The following BAHCC1 variants were observed in gnomAD, a reference collection of about 807,000 sequenced individuals.
BAHCC1 encodes BAH and coiled-coil domain-containing protein 1.
BAHCC1 carries 43 observed loss-of-function variants against 88.2 expected under a neutral mutation model. That is an observed-to-expected ratio of 0.49 (90% CI 0.38 to 0.63). BAHCC1 has a LOEUF of 0.63. Among genes scored for constraint, BAHCC1 ranks in the 20% least tolerant of loss-of-function variants. BAHCC1 has a pLI of 0.00. For missense variants in BAHCC1, 3,023 were observed against 1,654.8 expected, an observed-to-expected ratio of 1.83 and a Z score of -14.34; for synonymous variants, 1,510 against 745.5, an observed-to-expected ratio of 2.03 and a Z score of -16.71.
At chr17:81,420,246 G>T (rs1274973290) in intron 2 of BAHCC1, among the ~76,000 whole-genome samples, 12 of 152,218 alleles carry the variant, frequency 7.9e-5, no homozygotes, top group African/African-American at 2.9e-4. Context: ...GCAGGAGGCA[G>T]GCTAGTTCCC....
chr17:81,433,675 C>T (rs1568011842), intron 3 of BAHCC1, among the ~76,000 whole-genome samples: 1 of 148,110 alleles, frequency 6.8e-6, no homozygotes, highest in East Asian at 2.0e-4. Context: ...ACCGAGGCCC[C>T]TGTGTGCCCC....
intron 10 of BAHCC1, among the ~76,000 whole-genome samples, chr17:81,446,039 A>G (rs117101636): frequency 0.02 from 2,990 of 150,456 alleles, 43 homozygotes; most frequent in Non-Finnish European, 0.03. Context: ...GCTGCCATTC[A>G]GGGTCTCAGC....
intron 2 of BAHCC1, among the ~76,000 whole-genome samples, chr17:81,419,543 G>C (rs966464997): frequency 6.6e-6 from 1 of 152,188 alleles, no homozygotes; most frequent in African/African-American, 2.4e-5. Context: ...GGTGTCCCCC[G>C]CCTGGGCGGG....
intron 2 of BAHCC1, among the ~76,000 whole-genome samples, chr17:81,422,131 C>T (rs936910570): frequency 3.9e-5 from 6 of 152,194 alleles, no homozygotes; most frequent in African/African-American, 1.4e-4. Flanking sequence ...CCCGCCTCAG[C>T]CTCCCAAATA....
At chr17:81,403,862 C>T (rs1282533067) in intron 2 of BAHCC1, among the ~76,000 whole-genome samples, 10 of 152,218 alleles carry the variant, frequency 6.6e-5, no homozygotes, top group East Asian at 1.9e-4. Context: ...ACGCCCGCCC[C>T]GCCGAAGCCC....
At position 81,461,054 on chromosome 17, in the gene BAHCC1, A is replaced by C. The variant is rs2030209689; in HGVS notation, c.6391A>C (p.Lys2131Gln). ...CTTCCAGCTCAACGGCAGCAGCAAG[A>C]AGCTGCGGGCCCGCGAGGCCCTGTT... is the stretch of plus-strand genomic sequence containing the variant. ...NLFQLNGSSK[K>Q]LRAREALFPV... Residue 2131 changes from lysine to glutamine, a missense_variant, in exon 26 of 28, where the codon AAG becomes CAG. Coordinates refer to ENST00000675386, the MANE Select transcript of BAHCC1 (RefSeq NM_001377448.1). 1 of 771,774 alleles carries C rather than the reference A, an allele frequency of 1.3e-6. No individual in the cohort carries two copies. Among genetic ancestry groups the C allele is most frequent in the Non-Finnish European group, 2.4e-6 (1 of 417,034 alleles). 47.8% of individuals were successfully genotyped at this position (771,774 alleles called of 1,614,324 possible). A position where few individuals can be genotyped will look rare whatever the true frequency, so the allele number is the denominator to read the frequency against.
intron 2 of BAHCC1, among the ~76,000 whole-genome samples, chr17:81,420,018 C>T (rs975520954): frequency 1.1e-4 from 16 of 152,106 alleles, no homozygotes; most frequent in African/African-American, 3.6e-4. Context: ...CAGTGGGCAC[C>T]TGGCCATCCG....
At chr17:81,446,994 C>T (rs781882622) in intron 10 of BAHCC1, 42 bp from the exon 11 acceptor site, 21 of 775,912 alleles carry the variant, frequency 2.7e-5, no homozygotes, top group African/African-American at 1.7e-5. Context: ...ACCCCCTCAC[C>T]ACCACTCCCA....
chr17:81,410,679 G>T (rs879947626), intron 2 of BAHCC1, among the ~76,000 whole-genome samples: 2 of 152,172 alleles, frequency 1.3e-5, no homozygotes, highest in Non-Finnish European at 2.9e-5. Flanking sequence ...GTGCTGGGGG[G>T]CCTTCGTGGC....
chr17:81,406,795 G>C (rs1379614361), intron 2 of BAHCC1: 2 of 437,952 alleles, frequency 4.6e-6, no homozygotes, highest in Non-Finnish European at 9.3e-6. Context: ...CGGCGCCCAG[G>C]TCCTGGTTAT....
intron 3 of BAHCC1, among the ~76,000 whole-genome samples, chr17:81,436,323 A>G (rs2064335427): frequency 6.6e-6 from 1 of 152,138 alleles, no homozygotes; most frequent in Non-Finnish European, 1.5e-5. Context: ...AGCTGCCCCC[A>G]GAGGGGACCG....
At chr17:81,405,010 T>C (rs2063861793) in intron 2 of BAHCC1, among the ~76,000 whole-genome samples, 1 of 152,186 alleles carries the variant, frequency 6.6e-6, no homozygotes, top group Non-Finnish European at 1.5e-5. Context: ...ACTGTGGATA[T>C]GATCTGAAGC....
At chr17:81,445,884 C>T (rs1038311219) in intron 10 of BAHCC1, among the ~76,000 whole-genome samples, 3 of 152,218 alleles carry the variant, frequency 2.0e-5, no homozygotes, top group African/African-American at 7.2e-5. Flanking sequence ...AGTGCCCCAG[C>T]CGCCCCCTTC....
chr17:81,460,627 C>T lies in BAHCC1; in HGVS notation c.6123C>T (p.Pro2041=), dbSNP rs1555658929. 5 of 771,576 alleles carry T rather than the reference C, an allele frequency of 6.5e-6. No homozygotes were observed. Among genetic ancestry groups the T allele is most frequent in the Non-Finnish European group, 1.2e-5 (5 of 414,236 alleles). The allele number at this position is 771,576 out of a possible 1,614,324, so 47.8% of individuals were successfully genotyped here. A position where few individuals can be genotyped will look rare whatever the true frequency, so the allele number is the denominator to read the frequency against. The part of the protein sequence containing the change: ...EAPPPSEAAT[P]SLSPKAQDGP... Reference sequence around the variant, plus strand: ...CCCCGCCTAGTGAAGCCGCCACCCCCAGCCTGTCCCCCAAAGCACAGGACG... The same window carrying T: ...CCCCGCCTAGTGAAGCCGCCACCCCTAGCCTGTCCCCCAAAGCACAGGACG... Residue 2041 remains proline, a synonymous_variant, in exon 25 of 28, where the codon CCC becomes CCT. Transcript: ENST00000675386.
At chr17:81,452,236 C>G in intron 13 of BAHCC1, 129 bp downstream of exon 13, 1 of 496,326 alleles carries the variant, frequency 2.0e-6, no homozygotes, top group Non-Finnish European at 3.5e-6. Flanking sequence ...TGGGCAGACA[C>G]CAGGGTCCAT....
intron 2 of BAHCC1, chr17:81,400,991 T>C (rs1185621793): frequency 6.6e-6 from 1 of 152,346 alleles, no homozygotes; most frequent in East Asian, 1.9e-4. Flanking sequence ...GTTCTAAACA[T>C]CAGAAATGTT....
intron 19 of BAHCC1, 29 bp downstream of exon 19, chr17:81,458,754 T>C (rs1555658252): frequency 1.3e-6 from 1 of 747,412 alleles, no homozygotes; most frequent in Non-Finnish European, 2.5e-6. Flanking sequence ...GGGAGCCCAC[T>C]GTGCACCCAC....
At chr17:81,397,410 A>T (rs8074440) in intron 1 of BAHCC1, among the ~76,000 whole-genome samples, 53 of 147,590 alleles carry the variant, frequency 3.6e-4, no homozygotes, top group African/African-American at 1.3e-3. Flanking sequence ...AAAAAAAAAA[A>T]AACAACCACA....
Position 81,442,287 on chromosome 17 carries a change from G to A in BAHCC1, c.938G>A (p.Gly313Glu), listed in dbSNP as rs1480251510. ...GGCATGCTGGGGCGGCCTGGCACGG[G>A]GGTGGTGACCTCCGGGCGCTGTGCA... Reference protein sequence around the residue: ...AGGMLGRPGTGVVTSGRCAKE... With the variant: ...AGGMLGRPGTEVVTSGRCAKE... The change falls in exon 5 of 28, where the codon GGG becomes GAG. Residue 313 changes from glycine (G) to glutamate (E), a missense_variant. By Grantham distance (98) the Gly-to-Glu change is moderately conservative (BLOSUM62 -2). Transcript: ENST00000675386. The A allele has an allele frequency of 8.0e-6, 5 of 628,472 alleles. No individual in the cohort carries two copies. The highest frequency in any genetic ancestry group is 1.4e-5 in the Non-Finnish European group (5 of 350,828). The allele number at this position is 628,472 out of a possible 1,614,324, so 38.9% of individuals were successfully genotyped here. A position where few individuals can be genotyped will look rare whatever the true frequency, so the allele number is the denominator to read the frequency against.
Sources: allele counts gnomAD v4.1 joint callset (sites outside exome capture counted in the v4.1 genomes callset), GRCh38; gene constraint gnomAD v4.1.1; transcripts MANE v1.5; gene names NCBI Gene and HGNC (gene_info 2026-07-23, HGNC 2026-07-21).